Variants in CTTNBP2 observed in about 807,000 individuals in gnomAD.
The protein encoded by CTTNBP2 is cortactin binding protein 2, also known as cortactin-binding protein 2.
Under a neutral mutation model 156.9 loss-of-function variants are expected in CTTNBP2, and 108 were observed. The observed-to-expected ratio is 0.69, with a 90% CI of 0.59 to 0.81. CTTNBP2 has a LOEUF of 0.81. Among genes scored for constraint, CTTNBP2 ranks in the 30% least tolerant of loss-of-function variants. The pLI, the probability that CTTNBP2 is intolerant of heterozygous loss-of-function variation, is 0.00. For synonymous variants in CTTNBP2, 767 were observed against 751.8 expected (o/e 1.02, Z -0.33); for missense variants, 1,924 against 2,035.4 (o/e 0.95, Z 1.05).
intron 21 of CTTNBP2, among the ~76,000 whole-genome samples, chr7:117,718,409 A>T (rs151293875): frequency 6.6e-6 from 1 of 152,362 alleles, no homozygotes; most frequent in Non-Finnish European, 1.5e-5. Flanking sequence ...AAGAAAGGAT[A>T]TAAAATTTGC....
At chr7:117,823,143 A>T (rs149545405) in intron 2 of CTTNBP2, among the ~76,000 whole-genome samples, 2 of 152,270 alleles carry the variant, frequency 1.3e-5, no homozygotes, top group South Asian at 2.1e-4. Context: ...ATAATTCCCC[A>T]ATGTAAATGT....
At chr7:117,842,998 T>C (rs527829288) in intron 2 of CTTNBP2, among the ~76,000 whole-genome samples, 9 of 152,306 alleles carry the variant, frequency 5.9e-5, no homozygotes, top group African/African-American at 1.4e-4. Flanking sequence ...ATTCATGGGC[T>C]GGGGATTCAC....
chr7:117,768,842 T>C (rs1243227274), intron 8 of CTTNBP2, among the ~76,000 whole-genome samples: 2 of 152,200 alleles, frequency 1.3e-5, no homozygotes, highest in Non-Finnish European at 2.9e-5. Flanking sequence ...GCTTCTTTCA[T>C]TCAACATAAT....
chr7:117,833,759 A>G (rs1801762572), intron 2 of CTTNBP2, among the ~76,000 whole-genome samples: 1 of 152,218 alleles, frequency 6.6e-6, no homozygotes, highest in African/African-American at 2.4e-5. Context: ...ACTCATGTTT[A>G]TTGTGAGCAC....
chr7:117,804,319 G>T (rs548438675), intron 3 of CTTNBP2, among the ~76,000 whole-genome samples: 1 of 152,186 alleles, frequency 6.6e-6, no homozygotes, highest in Admixed American at 6.5e-5. Context: ...CAAACCACTA[G>T]TGTATATAAC....
intron 2 of CTTNBP2, among the ~76,000 whole-genome samples, chr7:117,859,914 T>A (rs1803598927): frequency 6.6e-6 from 1 of 152,220 alleles, no homozygotes; most frequent in African/African-American, 2.4e-5. Flanking sequence ...ATTGAAGACA[T>A]GACTTCAGGA....
chr7:117,787,476 G>A (rs146507477), intron 4 of CTTNBP2, among the ~76,000 whole-genome samples: 1 of 152,144 alleles, frequency 6.6e-6, no homozygotes, highest in East Asian at 1.9e-4. Context: ...ATACATGGAG[G>A]ATAATTTTTA....
intron 2 of CTTNBP2, among the ~76,000 whole-genome samples, chr7:117,852,014 G>T (rs758491870): frequency 6.6e-6 from 1 of 152,002 alleles, no homozygotes; most frequent in Non-Finnish European, 1.5e-5. Context: ...GTTGATTCAG[G>T]CTTCATGAAA....
intron 2 of CTTNBP2, among the ~76,000 whole-genome samples, chr7:117,817,353 A>T (rs1320944040): frequency 0.082 from 2,927 of 35,910 alleles, 637 homozygotes; most frequent in African/African-American, 0.19. Context: ...AAAAAAAAAA[A>T]AAAAAAAAAT....
At chr7:117,824,180 G>GTT (rs11428255) in intron 2 of CTTNBP2, among the ~76,000 whole-genome samples, 5,066 of 148,194 alleles carry the variant, frequency 0.034, 110 homozygotes, top group Non-Finnish European at 0.052. Context: ...AAACTTTCTG[G>GTT]TTTTTTTTTT....
chr7:117,716,678 C>CATTATGATAG (rs1451608149), intron 22 of CTTNBP2, among the ~76,000 whole-genome samples: 1 of 152,156 alleles, frequency 6.6e-6, no homozygotes, highest in Non-Finnish European at 1.5e-5. Flanking sequence ...AAAAGGCAGA[C>CATTATGATAG]ATTATGATAG....
chr7:117,828,456 AG>A (rs1801423332), intron 2 of CTTNBP2, among the ~76,000 whole-genome samples: 2 of 152,298 alleles, frequency 1.3e-5, no homozygotes, highest in East Asian at 1.9e-4. Context: ...TCTTGCTTAA[AG>A]GGTAGGCACA....
chr7:117,754,586 T>C (rs1198967511), intron 12 of CTTNBP2, among the ~76,000 whole-genome samples: 2 of 152,206 alleles, frequency 1.3e-5, no homozygotes, highest in Non-Finnish European at 2.9e-5. Flanking sequence ...GGATTATAAT[T>C]GTTTATGGAA....
intron 2 of CTTNBP2, among the ~76,000 whole-genome samples, chr7:117,830,421 C>A (rs900145868): frequency 2.0e-5 from 3 of 152,210 alleles, no homozygotes; most frequent in Admixed American, 1.3e-4. Context: ...TATTAAGAAT[C>A]TACCCCAAGA....
intron 1 of CTTNBP2, among the ~76,000 whole-genome samples, chr7:117,862,274 T>C (rs1318178542): frequency 1.5e-5 from 2 of 129,508 alleles, no homozygotes; most frequent in East Asian, 5.2e-4. Context: ...GGGACCCAGC[T>C]ACAGTACAAA....
chr7:117,855,221 T>C (rs1192164656), intron 2 of CTTNBP2, among the ~76,000 whole-genome samples: 1 of 152,132 alleles, frequency 6.6e-6, no homozygotes, highest in Middle Eastern at 3.2e-3. Context: ...ACTGTTTGCA[T>C]TAATAGCCAT....
intron 2 of CTTNBP2, among the ~76,000 whole-genome samples, chr7:117,838,053 G>A (rs1015115397): frequency 1.3e-5 from 2 of 152,312 alleles, no homozygotes; most frequent in South Asian, 4.1e-4. Flanking sequence ...ACTGGTTGGT[G>A]TAGTTTCTTA....
chr7:117,735,699 G>T (rs1339035189), intron 14 of CTTNBP2, among the ~76,000 whole-genome samples: 2 of 152,096 alleles, frequency 1.3e-5, no homozygotes, highest in African/African-American at 2.4e-5. Context: ...GAATAAATAA[G>T]AGTATGTTCA....
At chr7:117,864,169 T>C (rs960019639) in intron 1 of CTTNBP2, among the ~76,000 whole-genome samples, 1 of 152,182 alleles carries the variant, frequency 6.6e-6, no homozygotes, top group African/African-American at 2.4e-5. Flanking sequence ...TCTGTTTTTC[T>C]ATGTATTACC....
Sources: gnomAD v4.1 joint callset for allele counts (sites outside exome capture counted in the v4.1 genomes callset) on GRCh38, gnomAD v4.1.1 for gene constraint, MANE v1.5 for transcripts, NCBI Gene and HGNC (gene_info 2026-07-23, HGNC 2026-07-21) for gene names.